The following HLA-DQA1 variants were observed in gnomAD, a reference collection of about 807,000 sequenced individuals.
The protein encoded by HLA-DQA1 is major histocompatibility complex, class II, DQ alpha 1.
A neutral mutation model predicts 20.7 loss-of-function variants in HLA-DQA1; 10 were observed. The observed-to-expected ratio is 0.48, with a 90% CI of 0.30 to 0.82. The LOEUF is 0.82. Ranked by LOEUF, HLA-DQA1 falls within the 40% of genes least tolerant of loss-of-function variation. HLA-DQA1 has a pLI of 0.07. For missense variants in HLA-DQA1, 127 were observed against 293.0 expected (o/e 0.43, Z 4.14); for synonymous variants, 39 against 109.2 (o/e 0.36, Z 4.01).
At chr6:32,637,961 G>A (rs9272473) in intron 1 of HLA-DQA1, among the ~76,000 whole-genome samples, 20,609 of 83,852 alleles carry the variant, frequency 0.25, 4,713 homozygotes, top group East Asian at 0.36. Context: ...CATCAATTAT[G>A]TACTCTATAG....
chr6:32,646,731 A>G (rs1242310996), downstream of HLA-DQA1: 2 of 127,044 alleles, frequency 1.6e-5, 1 homozygote, highest in African/African-American at 5.9e-5. Context: ...GGTGTTAACA[A>G]TTTGTGTTAT....
In HLA-DQA1 at chr6:32,643,395, C is replaced by T. The variant is rs932902136; in HGVS notation, c.*464C>T. ...TTCATGTCCAGTAACACAGAAGCCACCAAGTACAGTATAGCCTGATAATAT... is the reference window on the plus strand; with the variant it reads ...TTCATGTCCAGTAACACAGAAGCCATCAAGTACAGTATAGCCTGATAATAT... On this transcript the variant is annotated 3_prime_UTR_variant, in exon 5 of 5. Transcript: ENST00000343139. 5 of 283,316 alleles carry T rather than the reference C, an allele frequency of 1.8e-5. No individual in the cohort carries two copies. The highest frequency in any genetic ancestry group is 3.0e-5 in the South Asian group (1 of 33,582). 17.6% of individuals were successfully genotyped at this position (283,316 alleles called of 1,614,324 possible).
At position 32,642,607 on chromosome 6, in the gene HLA-DQA1, C is replaced by G. The variant is rs774039069; in HGVS notation, c.614-3C>G. On this transcript the variant is annotated splice_region_variant and splice_polypyrimidine_tract_variant and intron_variant, in intron 3 of 4. Coordinates refer to ENST00000343139, the MANE Select transcript of HLA-DQA1 (RefSeq NM_002122.5). ...TCTGACCTCAACAACTTCACTTCCA[C>G]AGAGCCTGAGATTCCAGCCCCTATG... 1 of 1,370,542 alleles carries G rather than the reference C, an allele frequency of 7.3e-7. No individual in the cohort carries two copies. The highest frequency in any genetic ancestry group is 1.0e-6 in the Non-Finnish European group (1 of 991,956). 84.9% of individuals were successfully genotyped at this position (1,370,542 alleles called of 1,614,324 possible).
the HLA-DQA1 span, among the ~76,000 whole-genome samples, chr6:32,653,837 TCA>T: frequency 0.022 from 1,842 of 84,870 alleles, 129 homozygotes; most frequent in Admixed American, 0.027. Flanking sequence ...ATCTTTTACA[TCA>T]TTATGTTAAA....
downstream of HLA-DQA1, among the ~76,000 whole-genome samples, chr6:32,648,940 G>T (rs1782083121): frequency 1.0e-5 from 1 of 96,644 alleles, no homozygotes; most frequent in Non-Finnish European, 2.3e-5. Context: ...AAAGTCTCAG[G>T]ATACAAAATC....
chr6:32,642,331 CA>C, intron 3 of HLA-DQA1, 78 bp downstream of exon 3: 2 of 1,012,248 alleles, frequency 2.0e-6, no homozygotes, highest in Non-Finnish European at 2.9e-6. Context: ...CTCCTATATC[CA>C]AAAACTTGTT....
downstream of HLA-DQA1, among the ~76,000 whole-genome samples, chr6:32,649,637 T>G (rs1173296351): frequency 4.1e-5 from 4 of 96,702 alleles, 2 homozygotes; most frequent in Non-Finnish European, 9.2e-5. Flanking sequence ...TAGCCATATG[T>G]AGAAAGCTGA....
intron 1 of HLA-DQA1, 141 bp from the exon 2 acceptor site, chr6:32,641,169 G>A (rs78824971): frequency 0.14 from 78,506 of 558,574 alleles, 19,593 homozygotes; most frequent in South Asian, 0.29. Flanking sequence ...AGGGGAGGAA[G>A]CAGGGGCTGG....
Position 32,640,629 on chromosome 6 carries a change from A to T in HLA-DQA1, c.83-681A>T, listed in dbSNP as rs1036392658. On this transcript the variant is annotated intron_variant, in intron 1 of 4. Coordinates refer to ENST00000343139, the MANE Select transcript of HLA-DQA1 (RefSeq NM_002122.5). ...TAGAGCTTCCACTTTTCATTTCAGAAGAAATCAGTTGCTCTCCTCTAAGGA... is the reference window on the plus strand; with the variant it reads ...TAGAGCTTCCACTTTTCATTTCAGATGAAATCAGTTGCTCTCCTCTAAGGA... 4.1e-4 allele frequency among the ~76,000 whole-genome samples: 50 copies of T among 120,836 alleles called. 1 individual carries two copies. Among genetic ancestry groups the T allele is most frequent in the African/African-American group, 1.5e-3 (48 of 32,546 alleles). 79.3% of individuals were successfully genotyped at this position (120,836 alleles called of 152,430 possible). A position where few individuals can be genotyped will look rare whatever the true frequency, so the allele number is the denominator to read the frequency against.
At chr6:32,653,973 T>C in the HLA-DQA1 span, among the ~76,000 whole-genome samples, 11,877 of 71,492 alleles carry the variant, frequency 0.17, 2,196 homozygotes, top group East Asian at 0.22. Context: ...ATGGGGGTAG[T>C]AGGGAGGGCG....
chr6:32,647,186 A>AAAGTTTTTCAAAAAAT (rs1226367677), downstream of HLA-DQA1: 24 of 71,176 alleles, frequency 3.4e-4, no homozygotes, highest in Admixed American at 6.5e-4. Context: ...CATGGTACTC[A>AAAGTTTTTCAAAAAAT]GCCAGGCGCG....
At chr6:32,646,943 G>A (rs1347493151), downstream of HLA-DQA1, 2 of 149,652 alleles carry the variant, frequency 1.3e-5, no homozygotes, top group Non-Finnish European at 3.0e-5. Context: ...GAGGCAATCA[G>A]AAAAACTGAC....
chr6:32,655,209 T>C, the HLA-DQA1 span, among the ~76,000 whole-genome samples: 66,593 of 127,952 alleles, frequency 0.52, 17,599 homozygotes, highest in Middle Eastern at 0.66. Flanking sequence ...GTTTAAAATT[T>C]TTTCGAAGTG....
chr6:32,649,272 G>GA (rs1782092260), downstream of HLA-DQA1, among the ~76,000 whole-genome samples: 4 of 96,952 alleles, frequency 4.1e-5, 1 homozygote, highest in South Asian at 1.3e-3. Context: ...CACAGAATTG[G>GA]AAAAAACTAC....
the HLA-DQA1 span, among the ~76,000 whole-genome samples, chr6:32,654,449 T>C: frequency 7.9e-6 from 1 of 125,952 alleles, no homozygotes; most frequent in Non-Finnish European, 1.7e-5. Flanking sequence ...TACCAAAATC[T>C]GAGAATGCTC....
the HLA-DQA1 span, among the ~76,000 whole-genome samples, chr6:32,652,857 T>C: frequency 8.7e-5 from 13 of 148,578 alleles, no homozygotes; most frequent in Non-Finnish European, 1.5e-5. Flanking sequence ...AGATGGCTCA[T>C]GAATTAAAGC....
At chr6:32,647,567 T>C (rs1224925775), downstream of HLA-DQA1, among the ~76,000 whole-genome samples, 1 of 152,082 alleles carries the variant, frequency 6.6e-6, no homozygotes, top group African/African-American at 2.4e-5. Context: ...TCCAGGAAAG[T>C]CCCATAAACA....
downstream of HLA-DQA1, among the ~76,000 whole-genome samples, chr6:32,647,746 C>A (rs1419132779): frequency 1.3e-5 from 2 of 152,028 alleles, no homozygotes; most frequent in African/African-American, 2.4e-5. Flanking sequence ...CAAAGGAGAG[C>A]AAATTACTTT....
downstream of HLA-DQA1, chr6:32,644,313 G>T (rs1327507934): frequency 6.6e-6 from 1 of 152,100 alleles, no homozygotes; most frequent in Non-Finnish European, 1.5e-5. Flanking sequence ...TTTAATTGGA[G>T]AAAAAATACA....
Sources: gnomAD v4.1 joint callset for allele counts (sites outside exome capture counted in the v4.1 genomes callset) on GRCh38, gnomAD v4.1.1 for gene constraint, MANE v1.5 for transcripts, NCBI Gene and HGNC (gene_info 2026-07-23, HGNC 2026-07-21) for gene names.